MCC: variants seen among roughly 807,000 people sequenced by gnomAD.
The protein encoded by MCC is MCC regulator of Wnt signaling pathway.
A neutral mutation model predicts 116.2 loss-of-function variants in MCC; 90 were observed. The ratio of observed to expected loss-of-function variants is 0.77; its 90% CI spans 0.65 to 0.92. The LOEUF is 0.92. Ranked by LOEUF, MCC falls within the 40% of genes least tolerant of loss-of-function variation. The probability of loss-of-function intolerance (pLI) is 0.00; values close to 1 mark genes in which losing one functional copy is unlikely to be tolerated. For missense variants in MCC, 1,516 were observed against 1,312.2 expected, an observed-to-expected ratio of 1.16 and a Z score of -2.40; for synonymous variants, 578 against 510.5, an observed-to-expected ratio of 1.13 and a Z score of -1.78.
Position 113,488,283 on chromosome 5 carries a change from G to C in MCC, c.132C>G (p.Phe44Leu), listed in dbSNP as rs1343374345. The change falls in exon 1 of 19, where the codon TTC becomes TTG. Residue 44 changes from phenylalanine (F) to leucine (L), a missense_variant. Coordinates refer to ENST00000408903, the MANE Select transcript of MCC (RefSeq NM_001085377.2). ...TGEEERMRRL[F>L]QTCDGDGDGY... is the part of the protein sequence containing the mutation. ...CGTCCCCGTCGCCGTCGCACGTCTGGAAGAGGCGCCGCATCCTCTCCTCCT... is the reference window on the plus strand; with the variant it reads ...CGTCCCCGTCGCCGTCGCACGTCTGCAAGAGGCGCCGCATCCTCTCCTCCT... The C allele has an allele frequency of 1.3e-6, 2 of 1,595,566 alleles. No homozygotes were observed. The highest frequency in any genetic ancestry group is 1.7e-6 in the Non-Finnish European group (2 of 1,172,020).
intron 3 of MCC, among the ~76,000 whole-genome samples, chr5:113,227,948 T>A (rs1480007019): frequency 1.3e-5 from 2 of 152,220 alleles, no homozygotes; most frequent in African/African-American, 4.8e-5. Context: ...ATCCTTCTAG[T>A]TAACGGCTGG....
chr5:113,395,327 A>G (rs564033622), intron 1 of MCC, among the ~76,000 whole-genome samples: 2 of 152,338 alleles, frequency 1.3e-5, no homozygotes, highest in South Asian at 2.1e-4. Flanking sequence ...GTATATATGT[A>G]TGAAAGGAAA....
At chr5:113,272,839 T>A (rs1310372660) in intron 3 of MCC, among the ~76,000 whole-genome samples, 2 of 152,220 alleles carry the variant, frequency 1.3e-5, no homozygotes, top group Non-Finnish European at 2.9e-5. Flanking sequence ...TCCCTTTACT[T>A]TGCTGTCCTT....
At chr5:113,486,971 A>C (rs1187246769) in intron 1 of MCC, among the ~76,000 whole-genome samples, 1 of 152,184 alleles carries the variant, frequency 6.6e-6, no homozygotes, top group Non-Finnish European at 1.5e-5. Flanking sequence ...CCAGAACCAA[A>C]ATAACGAGAC....
intron 15 of MCC, among the ~76,000 whole-genome samples, 200 bp downstream of exon 15, chr5:113,053,524 GA>G (rs11302774): frequency 0.98 from 148,693 of 152,178 alleles, 72,659 homozygotes; most frequent in East Asian, 1. Flanking sequence ...AAATCCCTTA[GA>G]AATTCAACTC....
chr5:113,090,976 AG>A (rs1217273680), intron 8 of MCC, among the ~76,000 whole-genome samples: 3 of 152,344 alleles, frequency 2.0e-5, no homozygotes, highest in Middle Eastern at 3.4e-3. Flanking sequence ...GGCTGTGAGC[AG>A]GGCACAGAAT....
intron 1 of MCC, among the ~76,000 whole-genome samples, chr5:113,413,334 T>G (rs1770046872): frequency 6.6e-6 from 1 of 152,232 alleles, no homozygotes; most frequent in Non-Finnish European, 1.5e-5. Flanking sequence ...TGGAATAGTT[T>G]CAGAAGGAAT....
chr5:113,297,181 A>C (rs1403658303), intron 3 of MCC, among the ~76,000 whole-genome samples: 1 of 152,214 alleles, frequency 6.6e-6, no homozygotes, highest in Non-Finnish European at 1.5e-5. Context: ...CTATCAAGAC[A>C]GTTCAGCAAG....
At chr5:113,485,533 G>A (rs924538486) in intron 1 of MCC, among the ~76,000 whole-genome samples, 3 of 152,186 alleles carry the variant, frequency 2.0e-5, no homozygotes, top group African/African-American at 7.2e-5. Context: ...AATGATACAG[G>A]CACAACTTAT....
At chr5:113,215,450 G>C (rs139190760) in intron 3 of MCC, among the ~76,000 whole-genome samples, 21 of 152,276 alleles carry the variant, frequency 1.4e-4, no homozygotes, top group African/African-American at 5.1e-4. Context: ...TTGAAACTCA[G>C]TGGCCAATGT....
At chr5:113,317,075 G>C (rs973880919) in intron 3 of MCC, among the ~76,000 whole-genome samples, 4 of 152,096 alleles carry the variant, frequency 2.6e-5, no homozygotes, top group African/African-American at 9.7e-5. Context: ...TCACAAAACT[G>C]GGGACTACCG....
intron 3 of MCC, among the ~76,000 whole-genome samples, chr5:113,178,939 T>C (rs1181683097): frequency 6.6e-6 from 1 of 151,866 alleles, no homozygotes; most frequent in East Asian, 1.9e-4. Flanking sequence ...TATTTACACA[T>C]ACTCTAAGAA....
intron 17 of MCC, among the ~76,000 whole-genome samples, chr5:113,040,459 T>C (rs535230252): frequency 9.9e-4 from 151 of 152,316 alleles, no homozygotes; most frequent in Non-Finnish European, 1.9e-3. Context: ...TTTTGGTGTC[T>C]GGCACCATCC....
At chr5:113,298,615 A>G (rs781250052) in intron 3 of MCC, among the ~76,000 whole-genome samples, 1 of 152,174 alleles carries the variant, frequency 6.6e-6, no homozygotes, top group Non-Finnish European at 1.5e-5. Flanking sequence ...GATGGAGCAA[A>G]GTTCCTAAAA....
intron 3 of MCC, among the ~76,000 whole-genome samples, chr5:113,244,428 T>C: frequency 6.6e-6 from 1 of 152,376 alleles, no homozygotes; most frequent in South Asian, 2.1e-4. Flanking sequence ...ATACTCTATA[T>C]AATCTCTAGA....
intron 3 of MCC, among the ~76,000 whole-genome samples, chr5:113,157,338 C>A (rs1212654754): frequency 6.6e-6 from 1 of 152,192 alleles, no homozygotes; most frequent in African/African-American, 2.4e-5. Context: ...CCATGAAACA[C>A]AGTTGGTAAA....
intron 3 of MCC, among the ~76,000 whole-genome samples, chr5:113,322,682 T>C (rs1051715001): frequency 1.3e-5 from 2 of 152,234 alleles, no homozygotes; most frequent in Non-Finnish European, 2.9e-5. Context: ...GTTTCCTACT[T>C]ATTCCATAAA....
Position 113,082,929 on chromosome 5 carries a change from T to G in MCC, c.1715A>C (p.Tyr572Ser). 6.2e-7 allele frequency: 1 copy of G among 1,614,152 alleles called. No individual in the cohort carries two copies. The change falls in exon 11 of 19, where the codon TAC becomes TCC. Residue 572 changes from tyrosine (Y) to serine (S), a missense_variant. Transcript: ENST00000408903. The stretch of plus-strand genomic sequence containing the variant: ...TTCTGAGATGGCAGATCCGTGTGAG[T>G]AGAGTGTTTGGAAAATCTCTTGGAT... ...SNIQEIFQTL[Y>S]SHGSAISESK...
intron 3 of MCC, among the ~76,000 whole-genome samples, chr5:113,238,022 C>T (rs1356376576): frequency 3.9e-5 from 6 of 152,154 alleles, no homozygotes; most frequent in Non-Finnish European, 8.8e-5. Flanking sequence ...CTCTCCTTTA[C>T]CAAAGAGAGC....
Sources: allele counts gnomAD v4.1 joint callset (sites outside exome capture counted in the v4.1 genomes callset), GRCh38; gene constraint gnomAD v4.1.1; transcripts MANE v1.5; gene names NCBI Gene and HGNC (gene_info 2026-07-23, HGNC 2026-07-21).